The following ASAP2 variants were observed in gnomAD, a reference collection of about 807,000 sequenced individuals.
The protein encoded by ASAP2 is ArfGAP with SH3 domain, ankyrin repeat and PH domain 2.
In ASAP2, 45 loss-of-function variants were observed where a neutral mutation model predicts 131.4. That is an observed-to-expected ratio of 0.34 (90% CI 0.27 to 0.44). The LOEUF (loss-of-function observed/expected upper bound fraction) is 0.44, where lower values mean the gene tolerates loss of function less well. Among genes scored for constraint, ASAP2 ranks in the 20% least tolerant of loss-of-function variants. ASAP2 has a pLI of 1.00. For synonymous variants in ASAP2, 510 were observed against 503.0 expected (o/e 1.01, Z -0.19); for missense variants, 1,011 against 1,297.0 (o/e 0.78, Z 3.39).
At chr2:9,339,552 A>G (rs1236722044) in intron 9 of ASAP2, among the ~76,000 whole-genome samples, 1 of 152,198 alleles carries the variant, frequency 6.6e-6, no homozygotes, top group African/African-American at 2.4e-5. Flanking sequence ...TTAATAGTTC[A>G]TTCAACAAAT....
chr2:9,258,348 T>C (rs1384561657), intron 1 of ASAP2, among the ~76,000 whole-genome samples: 1 of 151,646 alleles, frequency 6.6e-6, no homozygotes, highest in African/African-American at 2.4e-5. Flanking sequence ...TTTTTTTTTT[T>C]TTTTTGAGAC....
intron 11 of ASAP2, among the ~76,000 whole-genome samples, chr2:9,348,990 C>T (rs528335513): frequency 2.0e-5 from 3 of 152,110 alleles, no homozygotes; most frequent in African/African-American, 2.4e-5. Context: ...CTAGCTTCCC[C>T]GCTCCCTAGC....
At chr2:9,225,157 C>T (rs912626795) in intron 1 of ASAP2, among the ~76,000 whole-genome samples, 2 of 152,186 alleles carry the variant, frequency 1.3e-5, no homozygotes, top group African/African-American at 4.8e-5. Context: ...GAAGAAGATG[C>T]AACAGAGACC....
At chr2:9,249,372 A>G (rs1055350832) in intron 1 of ASAP2, among the ~76,000 whole-genome samples, 1 of 152,002 alleles carries the variant, frequency 6.6e-6, no homozygotes, top group East Asian at 1.9e-4. Context: ...TTCCCCATAT[A>G]TGTTCATTTC....
chr2:9,222,772 G>T (rs1262952044), intron 1 of ASAP2, among the ~76,000 whole-genome samples: 1 of 152,064 alleles, frequency 6.6e-6, no homozygotes, highest in African/African-American at 2.4e-5. Flanking sequence ...TAAAAATCAT[G>T]GGTAGGAGAA....
intron 1 of ASAP2, among the ~76,000 whole-genome samples, chr2:9,236,480 A>T (rs1009590580): frequency 1.3e-5 from 2 of 152,110 alleles, no homozygotes; most frequent in Non-Finnish European, 2.9e-5. Flanking sequence ...TTGATATCTT[A>T]CTTTTATGAA....
chr2:9,380,216 G>T (rs1345685691), intron 19 of ASAP2, among the ~76,000 whole-genome samples: 3 of 150,672 alleles, frequency 2.0e-5, no homozygotes, highest in Admixed American at 1.3e-4. Context: ...TGTTTTTTTT[G>T]AGGCAGAGTC....
chr2:9,214,591 C>T (rs959516198), intron 1 of ASAP2, among the ~76,000 whole-genome samples: 2 of 151,664 alleles, frequency 1.3e-5, no homozygotes, highest in Non-Finnish European at 2.9e-5. Context: ...TCAACAATGT[C>T]TTGGAATAAA....
chr2:9,393,455 C>T (rs1014459190), intron 23 of ASAP2, 27 bp from the exon 24 acceptor site: 25 of 1,581,112 alleles, frequency 1.6e-5, no homozygotes, highest in South Asian at 3.4e-5. Flanking sequence ...GGCTGACCCT[C>T]TGCACGTCTC....
Position 9,207,286 on chromosome 2 carries a change from C to A in ASAP2, c.126+56C>A. The A allele has an allele frequency of 6.8e-7, 1 of 1,465,898 alleles. No homozygotes were observed. Among genetic ancestry groups the A allele is most frequent in the Non-Finnish European group, 9.0e-7 (1 of 1,113,364 alleles). The allele number at this position is 1,465,898 out of a possible 1,614,324, so 90.8% of individuals were successfully genotyped here. ...CAGGTATCCCGCGCCCCAGCCCCGC[C>A]CGCCGCTCCCGCATCCGCATCCCGA... On this transcript the variant is annotated intron_variant, in intron 1 of 27. Transcript: ENST00000281419. This position sits in a 1 kb window ranked among gnomAD's most constrained non-coding sequence, Gnocchi z 4.1.
At chr2:9,298,776 C>A (rs1471876155) in intron 3 of ASAP2, among the ~76,000 whole-genome samples, 2 of 152,224 alleles carry the variant, frequency 1.3e-5, no homozygotes, top group South Asian at 2.1e-4. Flanking sequence ...GCTCTCCCCG[C>A]ACCTGGGTGG....
intron 16 of ASAP2, among the ~76,000 whole-genome samples, chr2:9,372,828 T>C (rs909623217): frequency 6.6e-6 from 1 of 152,042 alleles, no homozygotes; most frequent in African/African-American, 2.4e-5. Context: ...TCAGTCGCAG[T>C]GGGGCCTTTG....
At chr2:9,252,737 A>C (rs1664804700) in intron 1 of ASAP2, among the ~76,000 whole-genome samples, 1 of 151,924 alleles carries the variant, frequency 6.6e-6, no homozygotes, top group African/African-American at 2.4e-5. Context: ...AACACGGTGA[A>C]ACCCTGTCTC....
chr2:9,257,149 G>T (rs1245333747), intron 1 of ASAP2, among the ~76,000 whole-genome samples: 1 of 152,210 alleles, frequency 6.6e-6, no homozygotes, highest in African/African-American at 2.4e-5. Flanking sequence ...GTGTTTACAC[G>T]TGTCGGGCAT....
At chr2:9,329,019 C>A (rs1351308415) in intron 7 of ASAP2, among the ~76,000 whole-genome samples, 1 of 152,150 alleles carries the variant, frequency 6.6e-6, no homozygotes, top group African/African-American at 2.4e-5. Context: ...GCACACAGTG[C>A]CCGGAACACA....
chr2:9,244,125 C>A (rs1394807668), intron 1 of ASAP2, among the ~76,000 whole-genome samples: 1 of 152,090 alleles, frequency 6.6e-6, no homozygotes, highest in Non-Finnish European at 1.5e-5. Context: ...CATGGTGAAA[C>A]CCCTTCTCTA....
chr2:9,300,122 A>G (rs1257342763), intron 3 of ASAP2, among the ~76,000 whole-genome samples: 2 of 152,166 alleles, frequency 1.3e-5, no homozygotes, highest in Non-Finnish European at 1.5e-5. Flanking sequence ...AGTCCCTGCT[A>G]CTCGGGAGGC....
In ASAP2 at chr2:9,302,024, C is replaced by T. The variant is rs1668511987; in HGVS notation, c.345+4579C>T. On this transcript the variant is annotated intron_variant, in intron 3 of 27. Transcript: ENST00000281419. ...ATTTTTAGTAGAGATGGGGTTTCAC[C>T]ACGTTAGCCAGGATGGTCTCGATCT... Among the ~76,000 whole-genome samples the T allele has an allele frequency of 2.6e-5, 4 of 151,568 alleles. No homozygotes were observed. The South Asian group carries it at 6.2e-4, about 24-fold the overall frequency.
intron 7 of ASAP2, among the ~76,000 whole-genome samples, chr2:9,330,017 C>G (rs1670726028): frequency 6.6e-6 from 1 of 152,152 alleles, no homozygotes; most frequent in Non-Finnish European, 1.5e-5. Flanking sequence ...AAGGAAGGGG[C>G]CATGCCATTT....
Sources: gnomAD v4.1 joint callset for allele counts (sites outside exome capture counted in the v4.1 genomes callset) on GRCh38, gnomAD v4.1.1 for gene constraint, Gnocchi (gnomAD v3.1) non-coding constraint, MANE v1.5 for transcripts, NCBI Gene and HGNC (gene_info 2026-07-23, HGNC 2026-07-21) for gene names.